S100Z: variants seen among roughly 807,000 people sequenced by gnomAD.
S100Z encodes protein S100-Z.
Under a neutral mutation model 8.5 loss-of-function variants are expected in S100Z, and 11 were observed. The ratio of observed to expected loss-of-function variants is 1.30; its 90% CI spans 0.82 to 2.15. The LOEUF (loss-of-function observed/expected upper bound fraction) is 2.15, where lower values mean the gene tolerates loss of function less well. Ranked by LOEUF, S100Z falls within the 30% of genes most tolerant of loss-of-function variation. The pLI is 0.00. For synonymous variants in S100Z, 34 were observed against 43.8 expected (o/e 0.78, Z 0.89); for missense variants, 126 against 117.9 (o/e 1.07, Z -0.32).
chr5:76,906,266 A>G (rs963574423), intron 4 of S100Z, among the ~76,000 whole-genome samples: 1 of 152,212 alleles, frequency 6.6e-6, no homozygotes, highest in African/African-American at 2.4e-5. Flanking sequence ...ATCACTTCAC[A>G]TATTTTTTTG....
At chr5:76,863,729 G>C (rs141975495) in intron 1 of S100Z, among the ~76,000 whole-genome samples, 19,507 of 151,580 alleles carry the variant, frequency 0.13, 1,439 homozygotes, top group Middle Eastern at 0.18. Flanking sequence ...TAGTAGAGAC[G>C]GGGTTTCACC....
At chr5:76,851,913 G>A (rs555441568) in intron 1 of S100Z, among the ~76,000 whole-genome samples, 2 of 152,310 alleles carry the variant, frequency 1.3e-5, no homozygotes, top group African/African-American at 4.8e-5. Context: ...GTCACAAGCT[G>A]GCCAGCATTC....
chr5:76,897,179 G>A (rs1045078397), intron 4 of S100Z, among the ~76,000 whole-genome samples: 2 of 152,082 alleles, frequency 1.3e-5, no homozygotes, highest in Non-Finnish European at 2.9e-5. Context: ...TTGGCCGGGT[G>A]CGGTGGCTCA....
At chr5:76,868,869 C>A (rs1253243169) in intron 1 of S100Z, among the ~76,000 whole-genome samples, 2 of 152,128 alleles carry the variant, frequency 1.3e-5, no homozygotes, top group South Asian at 2.1e-4. Context: ...AGTGATCTAC[C>A]CGCCTCAGCC....
At chr5:76,878,971 A>G (rs1165379445) in intron 4 of S100Z, among the ~76,000 whole-genome samples, 2 of 152,160 alleles carry the variant, frequency 1.3e-5, no homozygotes, top group African/African-American at 4.8e-5. Context: ...CCTTTCTTCT[A>G]TGTATCAGAA....
At chr5:76,875,550 G>A (rs756271862) in intron 3 of S100Z, 50 bp downstream of exon 3, 37 of 1,522,998 alleles carry the variant, frequency 2.4e-5, no homozygotes, top group Non-Finnish European at 3.1e-5. Context: ...TAGATGAGGT[G>A]CAGATTCCAG....
In S100Z at chr5:76,863,641, C is replaced by T. The variant is rs574541436; in HGVS notation, c.-175-6525C>T. ...GCAAGCTCCGCCTCCCGGGTTCACG[C>T]CATTCTCCTGCCTCAGCCTCCCAAG... is the stretch of plus-strand genomic sequence containing the variant. On this transcript the variant is annotated intron_variant, in intron 1 of 4. Transcript: ENST00000317593. Among the ~76,000 whole-genome samples the T allele has an allele frequency of 5.8e-3, 880 of 152,126 alleles. 14 individuals carry two copies. The highest frequency in any genetic ancestry group is 0.041 in the Middle Eastern group (12 of 292).
chr5:76,892,142 C>A (rs972293594), intron 4 of S100Z, among the ~76,000 whole-genome samples: 3 of 152,146 alleles, frequency 2.0e-5, no homozygotes, highest in African/African-American at 7.2e-5. Flanking sequence ...ACCCAGAACA[C>A]ATGAAGTGCT....
At chr5:76,943,205 T>A in the S100Z span, among the ~76,000 whole-genome samples, 1 of 152,048 alleles carries the variant, frequency 6.6e-6, no homozygotes, top group Admixed American at 6.5e-5. Flanking sequence ...ACTGTGATGA[T>A]CAAACATTTG....
At chr5:76,907,122 C>A (rs1011455799) in intron 4 of S100Z, among the ~76,000 whole-genome samples, 3 of 149,692 alleles carry the variant, frequency 2.0e-5, no homozygotes, top group African/African-American at 7.4e-5. Context: ...TTGATGATTG[C>A]CTAATTGTTT....
chr5:76,908,650 C>T (rs1166720534), intron 4 of S100Z, among the ~76,000 whole-genome samples: 1 of 152,170 alleles, frequency 6.6e-6, no homozygotes, highest in African/African-American at 2.4e-5. Flanking sequence ...CTAACAAAAG[C>T]AAAGCTATTC....
chr5:76,869,765 TC>T (rs1742939619), intron 1 of S100Z, among the ~76,000 whole-genome samples: 1 of 152,134 alleles, frequency 6.6e-6, no homozygotes, highest in Non-Finnish European at 1.5e-5. Flanking sequence ...ACACCTGTAA[TC>T]CCGGCACTTT....
intron 4 of S100Z, among the ~76,000 whole-genome samples, chr5:76,907,025 CAT>C (rs1186027835): frequency 6.8e-5 from 5 of 73,900 alleles, no homozygotes; most frequent in Admixed American, 6.5e-4. Flanking sequence ...TATATATATA[CAT>C]ATATATATAC....
chr5:76,901,297 G>C (rs926757800), intron 4 of S100Z, among the ~76,000 whole-genome samples: 3 of 152,238 alleles, frequency 2.0e-5, no homozygotes, highest in Non-Finnish European at 4.4e-5. Context: ...AGCCAGGCCT[G>C]TGTCCTTCCC....
downstream of S100Z, among the ~76,000 whole-genome samples, chr5:76,925,568 T>A (rs2150692619): frequency 6.6e-6 from 1 of 152,364 alleles, no homozygotes; most frequent in South Asian, 2.1e-4. Flanking sequence ...CAAGCACTTT[T>A]TTTTTTTAAA....
chr5:76,951,374 G>T, the S100Z span, among the ~76,000 whole-genome samples: 3 of 152,312 alleles, frequency 2.0e-5, no homozygotes, highest in South Asian at 4.1e-4. Context: ...GGAGAAGAAT[G>T]TCTCCTTGGT....
At chr5:76,894,665 G>A (rs184861959) in intron 4 of S100Z, among the ~76,000 whole-genome samples, 57 of 149,384 alleles carry the variant, frequency 3.8e-4, no homozygotes, top group African/African-American at 1.3e-3. Flanking sequence ...ACATGATCTC[G>A]GCTTACAGCA....
At chr5:76,894,594 AT>A (rs544776998) in intron 4 of S100Z, among the ~76,000 whole-genome samples, 15,740 of 141,172 alleles carry the variant, frequency 0.11, 2,354 homozygotes, top group African/African-American at 0.36. Flanking sequence ...GGTGATTTAA[AT>A]TTTTTTTTTT....
chr5:76,879,052 G>A (rs190278593), intron 4 of S100Z, among the ~76,000 whole-genome samples: 158 of 152,286 alleles, frequency 1.0e-3, no homozygotes, highest in South Asian at 4.8e-3. Flanking sequence ...AACAGCCGGT[G>A]TGGGGCTTGT....
Sources: allele counts gnomAD v4.1 joint callset (sites outside exome capture counted in the v4.1 genomes callset), GRCh38; gene constraint gnomAD v4.1.1; transcripts MANE v1.5; gene names NCBI Gene and HGNC (gene_info 2026-07-23, HGNC 2026-07-21).